The following CHST9 variants were observed in gnomAD, a reference collection of about 807,000 sequenced individuals.
CHST9 encodes carbohydrate sulfotransferase 9, also known as GalNAc-4-sulfotransferase 2.
CHST9 carries 41 observed loss-of-function variants against 44.4 expected under a neutral mutation model. The ratio of observed to expected loss-of-function variants is 0.92; its 90% CI spans 0.72 to 1.20. The LOEUF (loss-of-function observed/expected upper bound fraction) is 1.20. CHST9 is among the 50% of genes most tolerant of loss of function. The probability of loss-of-function intolerance (pLI) is 0.00; values close to 1 mark genes in which losing one functional copy is unlikely to be tolerated. For missense variants in CHST9, 504 were observed against 516.5 expected (o/e 0.98, Z 0.23); for synonymous variants, 171 against 178.4 (o/e 0.96, Z 0.33).
At chr18:27,005,062 TC>T (rs1168488640) in intron 4 of CHST9, among the ~76,000 whole-genome samples, 13 of 152,292 alleles carry the variant, frequency 8.5e-5, no homozygotes, top group East Asian at 1.9e-4. Context: ...TTATGATTTC[TC>T]CTGATCACTT....
chr18:26,962,756 AG>A (rs2056416622), intron 4 of CHST9, among the ~76,000 whole-genome samples: 1 of 152,034 alleles, frequency 6.6e-6, no homozygotes, highest in Middle Eastern at 3.2e-3. Flanking sequence ...CGCCTGGGGT[AG>A]TTTGCTTATC....
intron 2 of CHST9, among the ~76,000 whole-genome samples, chr18:27,138,825 G>C (rs940256769): frequency 6.6e-6 from 1 of 152,074 alleles, no homozygotes; most frequent in Non-Finnish European, 1.5e-5. Flanking sequence ...CTAACAAACA[G>C]GAGATCTGAG....
chr18:26,964,566 G>A (rs542999932), intron 4 of CHST9, among the ~76,000 whole-genome samples: 8 of 152,216 alleles, frequency 5.3e-5, no homozygotes, highest in African/African-American at 1.7e-4. Context: ...ACTGTGGGCC[G>A]TAAACAGGTA....
intron 4 of CHST9, among the ~76,000 whole-genome samples, chr18:26,993,898 G>A (rs1471494743): frequency 6.6e-6 from 1 of 152,220 alleles, no homozygotes; most frequent in African/African-American, 2.4e-5. Flanking sequence ...CTGGAGGTTA[G>A]AAGTCCAAGG....
chr18:27,141,129 C>A (rs972557905), intron 2 of CHST9, among the ~76,000 whole-genome samples: 7 of 152,008 alleles, frequency 4.6e-5, no homozygotes, highest in Non-Finnish European at 1.0e-4. Flanking sequence ...GAGGCCTAGG[C>A]GAGTGGATCA....
At position 27,060,753 on chromosome 18, in the gene CHST9, C is replaced by T. The variant is rs769574727; in HGVS notation, c.122-12250G>A. Among the ~76,000 whole-genome samples the T allele has an allele frequency of 5.6e-4, 86 of 152,238 alleles. 1 individual carries two copies. The highest frequency in any genetic ancestry group is 1.2e-3 in the Admixed American group (18 of 15,290). On this transcript the variant is annotated intron_variant, in intron 2 of 5. Transcript: ENST00000618847. ...ACTAATCATCGTGGTCCCCATCTCC[C>T]TTAGTTTAGGTGGTCATTTGACATT...
At chr18:27,129,562 T>C (rs1444115611) in intron 2 of CHST9, among the ~76,000 whole-genome samples, 1 of 151,918 alleles carries the variant, frequency 6.6e-6, no homozygotes, top group African/African-American at 2.4e-5. Context: ...CCAGATAATG[T>C]TTGTATTTTT....
chr18:27,137,406 A>C (rs1021520376), intron 2 of CHST9, among the ~76,000 whole-genome samples: 2 of 150,162 alleles, frequency 1.3e-5, no homozygotes, highest in South Asian at 4.2e-4. Context: ...GGGGTGATCA[A>C]AGAAGGTGAC....
chr18:27,053,868 C>T (rs1307281476), intron 2 of CHST9, among the ~76,000 whole-genome samples: 1 of 152,182 alleles, frequency 6.6e-6, no homozygotes, highest in Non-Finnish European at 1.5e-5. Context: ...GCTCAGCTGC[C>T]AGTCCTCTGT....
intron 2 of CHST9, among the ~76,000 whole-genome samples, chr18:27,101,881 G>C (rs1224597670): frequency 1.3e-5 from 2 of 152,140 alleles, no homozygotes; most frequent in Non-Finnish European, 2.9e-5. Flanking sequence ...TAAGTGATCA[G>C]GTGTCATTGC....
intron 2 of CHST9, among the ~76,000 whole-genome samples, chr18:27,086,975 A>C (rs1383927657): frequency 6.6e-6 from 1 of 152,180 alleles, no homozygotes; most frequent in Non-Finnish European, 1.5e-5. Flanking sequence ...AGAAATAAGT[A>C]CCCTAAAACA....
rs935796863 is a variant in CHST9, at chr18:27,008,085, G to A, written c.202+16031C>T. 1.5e-4 allele frequency among the ~76,000 whole-genome samples: 23 copies of A among 152,282 alleles called. No individual in the cohort carries two copies. The East Asian group carries it at 4.0e-3, about 27-fold the overall frequency. ...CGGAGAGACAGGACCCACAGCATAG[G>A]AGGGACGACTCACCACTGATAGGAG... On this transcript the variant is annotated intron_variant, in intron 4 of 5. Transcript: ENST00000618847.
chr18:26,947,339 G>T (rs11664227), intron 4 of CHST9, among the ~76,000 whole-genome samples: 1 of 152,094 alleles, frequency 6.6e-6, no homozygotes, highest in Non-Finnish European at 1.5e-5. Flanking sequence ...TTGATGTATA[G>T]GGATGCTTGT....
chr18:27,143,843 G>A (rs910418838), intron 1 of CHST9, among the ~76,000 whole-genome samples: 1 of 152,238 alleles, frequency 6.6e-6, no homozygotes, highest in Admixed American at 6.5e-5. Flanking sequence ...CCTAATGTAT[G>A]CGGAGCTTAA....
At chr18:27,121,554 T>C (rs1440517694) in intron 2 of CHST9, among the ~76,000 whole-genome samples, 1 of 152,166 alleles carries the variant, frequency 6.6e-6, no homozygotes, top group African/African-American at 2.4e-5. Context: ...GAATCCAATT[T>C]TGGTAAATAA....
intron 4 of CHST9, among the ~76,000 whole-genome samples, chr18:26,958,577 T>C (rs2056358737): frequency 6.6e-6 from 1 of 152,052 alleles, no homozygotes; most frequent in African/African-American, 2.4e-5. Flanking sequence ...ATTTGCAAAC[T>C]GTGCATTCAA....
chr18:26,926,239 CT>C (rs1454506764), intron 5 of CHST9, among the ~76,000 whole-genome samples: 1 of 152,192 alleles, frequency 6.6e-6, no homozygotes, highest in East Asian at 1.9e-4. Flanking sequence ...ATCCAAAAAG[CT>C]AATTTCTATG....
intron 3 of CHST9, among the ~76,000 whole-genome samples, chr18:27,034,946 T>C (rs1434369437): frequency 1.3e-5 from 2 of 152,254 alleles, no homozygotes; most frequent in African/African-American, 4.8e-5. Flanking sequence ...AAGCAGGTTA[T>C]TTAAAATTAG....
chr18:26,947,345 C>T (rs1001818347), intron 4 of CHST9, among the ~76,000 whole-genome samples: 3 of 152,078 alleles, frequency 2.0e-5, no homozygotes, highest in Admixed American at 1.3e-4. Context: ...TATAGGGATG[C>T]TTGTGAATTC....
Sources: gnomAD v4.1 joint callset for allele counts (sites outside exome capture counted in the v4.1 genomes callset) on GRCh38, gnomAD v4.1.1 for gene constraint, MANE v1.5 for transcripts, NCBI Gene and HGNC (gene_info 2026-07-23, HGNC 2026-07-21) for gene names.